ETV6: variants seen among roughly 807,000 people sequenced by gnomAD.
ETV6 encodes ETS variant transcription factor 6.
In ETV6, 16 loss-of-function variants were observed where a neutral mutation model predicts 51.1. The observed-to-expected ratio is 0.31, with a 90% confidence interval of 0.21 to 0.48. ETV6 has a LOEUF of 0.48. Ranked by LOEUF, ETV6 falls within the 20% of genes least tolerant of loss-of-function variation. The pLI is 0.99. For missense variants in ETV6, 458 were observed against 594.8 expected (o/e 0.77, Z 2.39); for synonymous variants, 240 against 224.1 (o/e 1.07, Z -0.64).
intron 1 of ETV6, among the ~76,000 whole-genome samples, chr12:11,651,347 T>A (rs897110150): frequency 6.6e-6 from 1 of 152,130 alleles, no homozygotes; most frequent in Non-Finnish European, 1.5e-5. Flanking sequence ...TCAATTAGAG[T>A]CTGTGTAGGG....
At chr12:11,851,692 G>C (rs1466494691) in intron 3 of ETV6, among the ~76,000 whole-genome samples, 1 of 152,128 alleles carries the variant, frequency 6.6e-6, no homozygotes, top group African/African-American at 2.4e-5. Flanking sequence ...GAGGTATTTT[G>C]CTTTATTTAG....
At position 11,715,941 on chromosome 12, in the gene ETV6, A is replaced by G. The variant is rs527652535; in HGVS notation, c.34-36509A>G. On this transcript the variant is annotated intron_variant, in intron 1 of 7. Transcript: ENST00000396373. The stretch of plus-strand genomic sequence containing the variant: ...TTCACATAAATAGAAGAGCCAAGAG[A>G]AGAACAGCGTCTTTGACCTGATGGT... Among the ~76,000 whole-genome samples, 38 of 152,330 alleles carry G rather than the reference A, an allele frequency of 2.5e-4. 1 individual carries two copies. The South Asian group carries it at 7.5e-3, about 30-fold the overall frequency.
chr12:11,817,760 A>G (rs1465204779), intron 2 of ETV6, among the ~76,000 whole-genome samples: 1 of 152,198 alleles, frequency 6.6e-6, no homozygotes, highest in South Asian at 2.1e-4. Context: ...GGGGAGTACA[A>G]AGTCAAACAT....
chr12:11,690,443 A>T (rs1864732514), intron 1 of ETV6, among the ~76,000 whole-genome samples: 1 of 151,916 alleles, frequency 6.6e-6, no homozygotes, highest in African/African-American at 2.4e-5. Context: ...TCATATTTTT[A>T]TGCTGGTTGT....
At chr12:11,857,452 G>A (rs1231878937) in intron 4 of ETV6, among the ~76,000 whole-genome samples, 2 of 152,150 alleles carry the variant, frequency 1.3e-5, no homozygotes, top group Non-Finnish European at 1.5e-5. Context: ...CTTGAGCAAA[G>A]CAGTCCTCAG....
At chr12:11,854,371 G>C (rs1946601161) in intron 4 of ETV6, among the ~76,000 whole-genome samples, 1 of 151,268 alleles carries the variant, frequency 6.6e-6, no homozygotes, top group African/African-American at 2.5e-5. Flanking sequence ...ACAGGCCATG[G>C]ACTGGTACCA....
At chr12:11,752,342 C>T (rs1441043112) in intron 1 of ETV6, 108 bp from the exon 2 acceptor site, 3 of 1,181,496 alleles carry the variant, frequency 2.5e-6, no homozygotes, top group African/African-American at 1.5e-5. Context: ...TGGTACTGCC[C>T]ATGCCCCGCC....
At chr12:11,681,580 AT>A (rs1864532310) in intron 1 of ETV6, among the ~76,000 whole-genome samples, 1 of 152,000 alleles carries the variant, frequency 6.6e-6, no homozygotes, top group East Asian at 1.9e-4. Flanking sequence ...TATTATTATC[AT>A]TTATTATTAT....
At chr12:11,709,722 G>T (rs572375660) in intron 1 of ETV6, among the ~76,000 whole-genome samples, 2 of 152,212 alleles carry the variant, frequency 1.3e-5, no homozygotes, top group Non-Finnish European at 2.9e-5. Context: ...ATGGCCCTCC[G>T]TAATGCGGGT....
chr12:11,675,147 A>G (rs1053764808), intron 1 of ETV6, among the ~76,000 whole-genome samples: 2 of 152,176 alleles, frequency 1.3e-5, no homozygotes, highest in African/African-American at 4.8e-5. Flanking sequence ...AGGAGTGAGA[A>G]CACCAGGATG....
intron 1 of ETV6, among the ~76,000 whole-genome samples, chr12:11,742,032 T>C (rs960178356): frequency 2.6e-5 from 4 of 152,256 alleles, no homozygotes; most frequent in African/African-American, 9.6e-5. Context: ...TCCTGAATTG[T>C]TAGCTGATCT....
At chr12:11,665,324 A>G (rs1381691467) in intron 1 of ETV6, among the ~76,000 whole-genome samples, 6 of 152,244 alleles carry the variant, frequency 3.9e-5, no homozygotes, top group Non-Finnish European at 8.8e-5. Context: ...TATGCCTGGA[A>G]TCTTCCCTCG....
At chr12:11,675,053 G>T (rs761542858) in intron 1 of ETV6, among the ~76,000 whole-genome samples, 1 of 152,210 alleles carries the variant, frequency 6.6e-6, no homozygotes, top group Non-Finnish European at 1.5e-5. Flanking sequence ...CTTTTTGCAC[G>T]CATATGTCTG....
At chr12:11,674,598 G>T (rs1277227895) in intron 1 of ETV6, among the ~76,000 whole-genome samples, 1 of 150,082 alleles carries the variant, frequency 6.7e-6, no homozygotes, top group Non-Finnish European at 1.5e-5. Context: ...GCCCATAGGG[G>T]TTAATGTAGG....
chr12:11,701,790 C>T (rs1864988089), intron 1 of ETV6, among the ~76,000 whole-genome samples: 1 of 152,120 alleles, frequency 6.6e-6, no homozygotes, highest in Non-Finnish European at 1.5e-5. Context: ...GAGGGCCCTG[C>T]GTGATCTGCT....
chr12:11,724,374 G>A (rs1007457671), intron 1 of ETV6, among the ~76,000 whole-genome samples: 4 of 152,230 alleles, frequency 2.6e-5, no homozygotes, highest in African/African-American at 7.2e-5. Flanking sequence ...AGCCGATCAC[G>A]TGGAGTGGGC....
rs140077521 is a variant in ETV6, at chr12:11,757,491, A to G, written c.163+4912A>G. On this transcript the variant is annotated intron_variant, in intron 2 of 7. Coordinates refer to ENST00000396373, the MANE Select transcript of ETV6 (RefSeq NM_001987.5). ...TCATTATTATTTTATATTTTTATAC[A>G]TAACAAGATGCGCTCATACTTATTG... Among the ~76,000 whole-genome samples the G allele has an allele frequency of 2.1e-4, 32 of 152,208 alleles. No individual in the cohort carries two copies. In the East Asian group the frequency reaches 5.6e-3, roughly 27 times the overall value.
intron 2 of ETV6, among the ~76,000 whole-genome samples, chr12:11,768,290 T>A (rs1945192950): frequency 6.6e-6 from 1 of 152,216 alleles, no homozygotes; most frequent in Admixed American, 6.5e-5. Context: ...TTAGATACCA[T>A]GTGGAAAGTC....
intron 2 of ETV6, among the ~76,000 whole-genome samples, chr12:11,826,842 C>T: frequency 6.6e-6 from 1 of 151,986 alleles, no homozygotes; most frequent in Non-Finnish European, 1.5e-5. Flanking sequence ...GAAGGGGAGA[C>T]GGGGTTCGCT....
Sources: gnomAD v4.1 joint callset for allele counts (sites outside exome capture counted in the v4.1 genomes callset) on GRCh38, gnomAD v4.1.1 for gene constraint, MANE v1.5 for transcripts, NCBI Gene and HGNC (gene_info 2026-07-23, HGNC 2026-07-21) for gene names.